Variants in CPVL observed in about 807,000 individuals in gnomAD.
CPVL encodes the protein carboxypeptidase vitellogenic like, also known as probable serine carboxypeptidase CPVL.
Under a neutral mutation model 63.7 loss-of-function variants are expected in CPVL, and 51 were observed. The ratio of observed to expected loss-of-function variants is 0.80; its 90% CI spans 0.64 to 1.01. The LOEUF (loss-of-function observed/expected upper bound fraction) is 1.01. Ranked by LOEUF, CPVL falls within the 50% of genes least tolerant of loss-of-function variation. The probability of loss-of-function intolerance (pLI) is 0.00; values close to 1 mark genes in which losing one functional copy is unlikely to be tolerated. For synonymous variants in CPVL, 195 were observed against 206.0 expected (o/e 0.95, Z 0.46); for missense variants, 530 against 573.1 (o/e 0.92, Z 0.77).
intron 3 of CPVL, among the ~76,000 whole-genome samples, chr7:29,105,242 T>C (rs1045163568): frequency 6.6e-6 from 1 of 152,176 alleles, no homozygotes; most frequent in Non-Finnish European, 1.5e-5. Flanking sequence ...TCATGGCTAA[T>C]ACCCAGCACC....
intron 3 of CPVL, among the ~76,000 whole-genome samples, chr7:29,107,107 C>A (rs1006843687): frequency 6.6e-6 from 1 of 152,208 alleles, no homozygotes; most frequent in Non-Finnish European, 1.5e-5. Context: ...AGTGCCCTCC[C>A]AACATGGCAT....
chr7:29,153,967 G>A (rs1041252836), intron 5 of CPVL, among the ~76,000 whole-genome samples: 10 of 152,110 alleles, frequency 6.6e-5, no homozygotes, highest in African/African-American at 2.2e-4. Context: ...TATATTAATT[G>A]TTATGTTATA....
At chr7:29,095,020 A>G in intron 5 of CPVL, 64 bp downstream of exon 5, 1 of 1,221,954 alleles carries the variant, frequency 8.2e-7, no homozygotes, top group Non-Finnish European at 1.2e-6. Context: ...TACTTAATAA[A>G]AAGGAAAAAA....
intron 11 of CPVL, among the ~76,000 whole-genome samples, chr7:29,061,107 T>C (rs1288387513): frequency 6.6e-6 from 1 of 152,182 alleles, no homozygotes; most frequent in East Asian, 1.9e-4. Flanking sequence ...TGGCAACCGA[T>C]TCAGAGTTGA....
chr7:29,096,984 CAAAAAAAAAAAA>C (rs1165892123), intron 3 of CPVL, among the ~76,000 whole-genome samples: 3 of 51,222 alleles, frequency 5.9e-5, no homozygotes, highest in Admixed American at 2.5e-4. Context: ...GACTCTGTCT[CAAAAAAAAAAAA>C]AAAAAAAAAA....
intron 12 of CPVL, among the ~76,000 whole-genome samples, chr7:29,023,270 G>A (rs551869635): frequency 1.1e-3 from 168 of 152,340 alleles, no homozygotes; most frequent in Non-Finnish European, 1.7e-3. Flanking sequence ...AGTTCCACAT[G>A]GCTGTGGCAG....
intron 11 of CPVL, among the ~76,000 whole-genome samples, chr7:29,036,139 G>A (rs936977501): frequency 1.3e-5 from 2 of 152,178 alleles, no homozygotes; most frequent in Non-Finnish European, 2.9e-5. Flanking sequence ...CTGAAACCAT[G>A]AAATCCAAAC....
chr7:29,060,804 T>A (rs1049965975), intron 11 of CPVL, among the ~76,000 whole-genome samples: 2 of 152,206 alleles, frequency 1.3e-5, no homozygotes, highest in Admixed American at 6.5e-5. Flanking sequence ...TTCCTATGAA[T>A]AGAAACAGGC....
chr7:29,097,735 G>A (rs1786588322), intron 3 of CPVL, among the ~76,000 whole-genome samples: 1 of 152,136 alleles, frequency 6.6e-6, no homozygotes, highest in African/African-American at 2.4e-5. Flanking sequence ...TGGAGAGTGT[G>A]AAAAGGAAAT....
chr7:29,064,329 TGG>T (rs1782942871), intron 10 of CPVL, 95 bp from the exon 11 acceptor site: 1 of 552,086 alleles, frequency 1.8e-6, no homozygotes, highest in Non-Finnish European at 2.8e-6. Context: ...ACATACAACA[TGG>T]AGAAACGTGA....
intron 12 of CPVL, 136 bp downstream of exon 12, chr7:29,030,441 G>C: frequency 1.3e-6 from 1 of 797,120 alleles, no homozygotes; most frequent in Non-Finnish European, 2.0e-6. Flanking sequence ...TCTGTGGAAA[G>C]TAGGGCCACA....
At chr7:29,087,239 C>T (rs1018378605) in intron 6 of CPVL, among the ~76,000 whole-genome samples, 1 of 151,978 alleles carries the variant, frequency 6.6e-6, no homozygotes, top group African/African-American at 2.4e-5. Context: ...GCCTAGCCAA[C>T]ATAGTGAAAC....
At chr7:29,152,114 A>G (rs939607861) in intron 5 of CPVL, among the ~76,000 whole-genome samples, 1 of 152,212 alleles carries the variant, frequency 6.6e-6, no homozygotes. Context: ...AAGTGACTCT[A>G]TAGCCTCTGA....
intron 11 of CPVL, among the ~76,000 whole-genome samples, chr7:29,038,638 A>G (rs1220678199): frequency 6.6e-6 from 1 of 152,208 alleles, no homozygotes; most frequent in Non-Finnish European, 1.5e-5. Flanking sequence ...CTGCCCTGGT[A>G]TCCTCACACA....
chr7:29,135,173 T>TA (rs552921349), intron 1 of CPVL, among the ~76,000 whole-genome samples: 86 of 149,824 alleles, frequency 5.7e-4, no homozygotes, highest in African/African-American at 1.9e-3. Context: ...TGCAGAGGTA[T>TA]AGATATGATT....
At chr7:29,073,530 C>T (rs1380347928) in intron 7 of CPVL, among the ~76,000 whole-genome samples, 1 of 152,184 alleles carries the variant, frequency 6.6e-6, no homozygotes, top group Non-Finnish European at 1.5e-5. Context: ...CATTCCTTTC[C>T]AGCCCATTGG....
intron 6 of CPVL, among the ~76,000 whole-genome samples, chr7:29,087,918 A>G (rs1050131906): frequency 2.0e-5 from 3 of 152,232 alleles, no homozygotes; most frequent in Non-Finnish European, 4.4e-5. Flanking sequence ...GAGAAGCTGC[A>G]TTTTATAGCT....
In CPVL at chr7:29,142,686, T is replaced by C. The variant is rs563914476; in HGVS notation, c.-11+3743A>G. On this transcript the variant is annotated intron_variant, in intron 1 of 12. Coordinates refer to ENST00000265394, the MANE Select transcript of CPVL (RefSeq NM_031311.5). ...GATTACAGGCATGCACCACCACGCCTGGTTAATTTTTGTATTTTTAGTAGA... is the reference window on the plus strand; with the variant it reads ...GATTACAGGCATGCACCACCACGCCCGGTTAATTTTTGTATTTTTAGTAGA... 7.2e-5 allele frequency among the ~76,000 whole-genome samples: 11 copies of C among 151,878 alleles called. No individual in the cohort carries two copies. The East Asian group carries it at 2.1e-3, about 29-fold the overall frequency.
At chr7:29,030,046 C>T (rs1426317415) in intron 12 of CPVL, among the ~76,000 whole-genome samples, 1 of 152,164 alleles carries the variant, frequency 6.6e-6, no homozygotes, top group Non-Finnish European at 1.5e-5. Context: ...AGAGGAAACA[C>T]TTCCCAACTT....
Sources: gnomAD v4.1 joint callset for allele counts (sites outside exome capture counted in the v4.1 genomes callset) on GRCh38, gnomAD v4.1.1 for gene constraint, MANE v1.5 for transcripts, NCBI Gene and HGNC (gene_info 2026-07-23, HGNC 2026-07-21) for gene names.